The following RGPD4 variants were observed in gnomAD, a reference collection of about 807,000 sequenced individuals.
The protein encoded by RGPD4 is RANBP2 like and GRIP domain containing 4.
In RGPD4, 84 loss-of-function variants were observed where a neutral mutation model predicts 141.1. That is an observed-to-expected ratio of 0.60 (90% CI 0.50 to 0.71). The LOEUF is 0.71. Ranked by LOEUF, RGPD4 falls within the 30% of genes least tolerant of loss-of-function variation. The pLI is 0.00. For missense variants in RGPD4, 918 were observed against 1,622.4 expected (o/e 0.57, Z 7.46); for synonymous variants, 298 against 566.8 (o/e 0.53, Z 6.74).
intron 6 of RGPD4, among the ~76,000 whole-genome samples, chr2:107,847,039 A>G (rs1156769628): frequency 6.6e-6 from 1 of 151,282 alleles, no homozygotes; most frequent in Non-Finnish European, 1.5e-5. Context: ...CAGGAGATCG[A>G]GACCATCCCA....
rs1388791594 is a variant in RGPD4 at position 107,891,244 on chromosome 2, G to A, written c.*513G>A. Among the ~76,000 whole-genome samples, 1 of 137,198 alleles carries A rather than the reference G, an allele frequency of 7.3e-6. No homozygotes were observed. Among genetic ancestry groups the A allele is most frequent in the Non-Finnish European group, 1.6e-5 (1 of 64,178 alleles). 90.0% of individuals were successfully genotyped at this position (137,198 alleles called of 152,430 possible). ...AGGCTGAGGCTGGAGAATCGTTTGA[G>A]GCTAGTGAGCTGTGATTGTACCACT... is the stretch of plus-strand genomic sequence containing the variant. On this transcript the variant is annotated 3_prime_UTR_variant, in exon 23 of 23. Transcript: ENST00000408999.
intron 20 of RGPD4, among the ~76,000 whole-genome samples, chr2:107,877,631 T>C (rs202011045): frequency 0.028 from 4,199 of 151,474 alleles, 59 homozygotes; most frequent in East Asian, 0.17. Context: ...TGCTAGAATC[T>C]AGTCTTTTAA....
chr2:107,863,367 G>A (rs1025035170), intron 17 of RGPD4, among the ~76,000 whole-genome samples: 3 of 110,914 alleles, frequency 2.7e-5, no homozygotes, highest in Admixed American at 1.8e-4. Context: ...TTTCCATGTT[G>A]CCCAGGGTGG....
intron 1 of RGPD4, among the ~76,000 whole-genome samples, 155 bp downstream of exon 1, chr2:107,827,240 C>A (rs1681235016): frequency 7.8e-6 from 1 of 128,372 alleles, no homozygotes; most frequent in Admixed American, 7.4e-5. Flanking sequence ...TCGACCCGGC[C>A]CGGCGGCGGC....
At chr2:107,878,303 T>C (rs1683150044) in intron 20 of RGPD4, among the ~76,000 whole-genome samples, 1 of 151,414 alleles carries the variant, frequency 6.6e-6, no homozygotes, top group Admixed American at 6.6e-5. Flanking sequence ...CCCAGTTTCC[T>C]CTCAACAATC....
At chr2:107,878,264 CACTT>C (rs1558820627) in intron 20 of RGPD4, among the ~76,000 whole-genome samples, 1 of 149,962 alleles carries the variant, frequency 6.7e-6, no homozygotes, top group Non-Finnish European at 1.5e-5. Flanking sequence ...AACAATCTCA[CACTT>C]AACCTTTAAA....
intron 21 of RGPD4, among the ~76,000 whole-genome samples, chr2:107,880,923 T>G (rs1353633681): frequency 6.6e-6 from 1 of 151,618 alleles, no homozygotes; most frequent in Non-Finnish European, 1.5e-5. Context: ...CCTCAGAATA[T>G]AGTCATACTG....
chr2:107,831,902 C>G (rs1254725096), intron 1 of RGPD4, among the ~76,000 whole-genome samples: 1 of 135,072 alleles, frequency 7.4e-6, no homozygotes, highest in Non-Finnish European at 1.6e-5. Context: ...GGCTATTATG[C>G]TCCTCCAAAA....
chr2:107,882,635 C>T, intron 21 of RGPD4, 37 bp from the exon 22 acceptor site: 2 of 1,575,936 alleles, frequency 1.3e-6, no homozygotes, highest in East Asian at 4.5e-5. Flanking sequence ...ATCAGAAGCT[C>T]CTAAAGCCCA....
chr2:107,885,321 C>T (rs1277780228), intron 22 of RGPD4, among the ~76,000 whole-genome samples: 12 of 152,154 alleles, frequency 7.9e-5, no homozygotes, highest in East Asian at 3.9e-4. Context: ...ACTTTAAGAA[C>T]GTTTGCATTT....
intron 21 of RGPD4, among the ~76,000 whole-genome samples, chr2:107,880,431 T>C (rs997734957): frequency 6.6e-6 from 1 of 151,066 alleles, no homozygotes; most frequent in Admixed American, 6.6e-5. Context: ...GCCTGGCTAA[T>C]TTCTTTGTAT....
chr2:107,858,319 A>C (rs1183726700), intron 9 of RGPD4, among the ~76,000 whole-genome samples: 10 of 152,168 alleles, frequency 6.6e-5, no homozygotes, highest in Admixed American at 2.6e-4. Context: ...GAGACAAAGG[A>C]CATGAACATC....
chr2:107,880,430 A>T (rs1335872748), intron 21 of RGPD4, among the ~76,000 whole-genome samples: 2 of 150,590 alleles, frequency 1.3e-5, no homozygotes, highest in African/African-American at 4.9e-5. Flanking sequence ...TGCCTGGCTA[A>T]TTTCTTTGTA....
chr2:107,833,361 G>A (rs2919205), intron 1 of RGPD4, among the ~76,000 whole-genome samples: 7 of 152,284 alleles, frequency 4.6e-5, no homozygotes, highest in East Asian at 3.9e-4. Flanking sequence ...GGCATCTCTT[G>A]GGGTCTTACT....
At chr2:107,882,094 T>A (rs1675382968) in intron 21 of RGPD4, among the ~76,000 whole-genome samples, 1 of 151,916 alleles carries the variant, frequency 6.6e-6, no homozygotes. Context: ...TATTTGCTCC[T>A]CATGGAGACG....
chr2:107,850,809 G>A (rs1445891329), intron 7 of RGPD4, among the ~76,000 whole-genome samples: 150 of 7,412 alleles, frequency 0.02, 17 homozygotes, highest in Non-Finnish European at 0.032. Flanking sequence ...ACCACGCCTG[G>A]CTAATTTTTT....
chr2:107,890,917 A>G lies in RGPD4; in HGVS notation c.*186A>G, dbSNP rs531096483. Reference sequence around the variant, plus strand: ...TGCATTTACATATATTTGTACATCTATATGACAGATGTATTTTAAAAGTTT... The same window carrying G: ...TGCATTTACATATATTTGTACATCTGTATGACAGATGTATTTTAAAAGTTT... On this transcript the variant is annotated 3_prime_UTR_variant, in exon 23 of 23. Transcript: ENST00000408999. The G allele has an allele frequency of 3.2e-4, 205 of 648,786 alleles. 1 individual carries two copies. Among genetic ancestry groups the G allele is most frequent in the African/African-American group, 2.3e-3 (124 of 53,630 alleles). The allele number at this position is 648,786 out of a possible 1,614,324, so 40.2% of individuals were successfully genotyped here.
intron 20 of RGPD4, among the ~76,000 whole-genome samples, chr2:107,877,877 G>A (rs1683134998): frequency 6.6e-6 from 1 of 151,732 alleles, no homozygotes; most frequent in Admixed American, 6.6e-5. Context: ...GCAGTGGCGT[G>A]ATCTTGGCTC....
intron 1 of RGPD4, among the ~76,000 whole-genome samples, chr2:107,829,960 C>G (rs1021888519): frequency 1.3e-5 from 2 of 152,204 alleles, no homozygotes; most frequent in Non-Finnish European, 1.5e-5. Flanking sequence ...GACGCAGCTC[C>G]GGGTGAGCTT....
Sources: gnomAD v4.1 joint callset for allele counts (sites outside exome capture counted in the v4.1 genomes callset) on GRCh38, gnomAD v4.1.1 for gene constraint, MANE v1.5 for transcripts, NCBI Gene and HGNC (gene_info 2026-07-23, HGNC 2026-07-21) for gene names.